Variants in REXO5 observed in about 807,000 individuals in gnomAD.
REXO5 encodes the protein exonuclease NEF-sp.
In REXO5, 48 loss-of-function variants were observed where a neutral mutation model predicts 88.5. The ratio of observed to expected loss-of-function variants is 0.54; its 90% CI spans 0.43 to 0.69. The LOEUF (loss-of-function observed/expected upper bound fraction) is 0.69. Among genes scored for constraint, REXO5 ranks in the 30% least tolerant of loss-of-function variants. The pLI is 0.00. For synonymous variants in REXO5, 311 were observed against 336.5 expected (o/e 0.92, Z 0.83); for missense variants, 749 against 912.2 (o/e 0.82, Z 2.30).
intron 2 of REXO5, among the ~76,000 whole-genome samples, chr16:20,807,788 T>C (rs1367470770): frequency 1.3e-5 from 2 of 149,596 alleles, no homozygotes; most frequent in African/African-American, 4.9e-5. Context: ...CTGTACATAA[T>C]AGGAATGTTC....
chr16:20,826,003 A>C (rs2081255398), intron 8 of REXO5, 55 bp downstream of exon 8: 1 of 1,105,596 alleles, frequency 9.0e-7, no homozygotes, highest in Admixed American at 2.1e-5. Flanking sequence ...AGAATGGAAT[A>C]ATACTTAAGA....
chr16:20,817,033 T>C (rs1356647249), intron 5 of REXO5, among the ~76,000 whole-genome samples: 1 of 152,222 alleles, frequency 6.6e-6, no homozygotes, highest in Non-Finnish European at 1.5e-5. Context: ...AGGTGAGTGA[T>C]AGAGTAGTAT....
In REXO5 at chr16:20,846,323, C is replaced by G. The variant is rs139485821; in HGVS notation, c.2227C>G (p.Leu743Val). Residue 743 changes from leucine to valine, a missense_variant, in exon 19 of 20, where the codon CTG becomes GTG. By Grantham distance (32) the Leu-to-Val change is conservative. Transcript: ENST00000261377. ...LCPGTLCLIL[L>V]PGTKSTHGSL... ...CCCGGGCACTCTCTGCCTCATCCTGCTGCCAGGAACCAAGAGGTAAGGACT... is the reference window on the plus strand; with the variant it reads ...CCCGGGCACTCTCTGCCTCATCCTGGTGCCAGGAACCAAGAGGTAAGGACT... 2 of 1,613,392 alleles carry G rather than the reference C, an allele frequency of 1.2e-6. No homozygotes were observed. The highest frequency in any genetic ancestry group is 2.7e-5 in the African/African-American group (2 of 74,912).
At chr16:20,812,264 G>A (rs2081010992) in intron 2 of REXO5, among the ~76,000 whole-genome samples, 2 of 152,170 alleles carry the variant, frequency 1.3e-5, no homozygotes, top group South Asian at 4.1e-4. Context: ...GCTCATGCTT[G>A]TAATCCCAGC....
intron 11 of REXO5, 147 bp downstream of exon 11, chr16:20,828,684 T>C (rs2081294278): frequency 1.7e-6 from 1 of 586,662 alleles, no homozygotes; most frequent in Non-Finnish European, 3.1e-6. Context: ...ATCCCAGCAC[T>C]TTGGGAGGCC....
chr16:20,827,242 T>C (rs1410910844), intron 9 of REXO5, 46 bp downstream of exon 9: 1 of 1,610,256 alleles, frequency 6.2e-7, no homozygotes, highest in Non-Finnish European at 8.5e-7. Flanking sequence ...TAAATGCCTG[T>C]TCCATTTATC....
In REXO5 at chr16:20,808,426, A is replaced by C. The variant is rs2152498586; in HGVS notation, c.138+1335A>C. 1.3e-5 allele frequency among the ~76,000 whole-genome samples: 2 copies of C among 152,206 alleles called. 1 individual carries two copies. The highest frequency in any genetic ancestry group is 6.8e-3 in the Middle Eastern group (2 of 294). On this transcript the variant is annotated intron_variant, in intron 2 of 19. Transcript: ENST00000261377. ...GGATCCTCCTGTCTCTGCCTCTTACAGGCATGAGCCACTGCACCCAGCTAT... is the reference window on the plus strand; with the variant it reads ...GGATCCTCCTGTCTCTGCCTCTTACCGGCATGAGCCACTGCACCCAGCTAT...
intron 12 of REXO5, 113 bp from the exon 13 acceptor site, chr16:20,832,890 T>A: frequency 1.1e-6 from 1 of 908,770 alleles, no homozygotes; most frequent in African/African-American, 1.6e-5. Flanking sequence ...ATTTTAATTT[T>A]AATAGCTATA....
chr16:20,849,387 T>C lies in REXO5; in HGVS notation c.2244-12T>C, dbSNP rs758085764. 2 of 1,610,184 alleles carry C rather than the reference T, an allele frequency of 1.2e-6. No homozygotes were observed. Among genetic ancestry groups the C allele is most frequent in the African/African-American group, 2.7e-5 (2 of 74,840 alleles). ...TGGATAAAAACATACCTTTGTTTCT[T>C]ATTTATTGCAGCACTCATGGTTCAC... On this transcript the variant is annotated splice_polypyrimidine_tract_variant and intron_variant, in intron 19 of 19. Coordinates refer to ENST00000261377, the MANE Select transcript of REXO5 (RefSeq NM_030941.3).
intron 15 of REXO5, among the ~76,000 whole-genome samples, chr16:20,842,734 C>T (rs1269759556): frequency 6.6e-6 from 1 of 152,092 alleles, no homozygotes; most frequent in Non-Finnish European, 1.5e-5. Context: ...GGATTACAGG[C>T]GTGAGCCACT....
At chr16:20,816,026 A>G (rs2152501292) in intron 4 of REXO5, 90 bp from the exon 5 acceptor site, 1 of 977,394 alleles carries the variant, frequency 1.0e-6, no homozygotes, top group South Asian at 1.5e-5. Flanking sequence ...AGAACTTTCA[A>G]AGCACTGAGG....
At chr16:20,824,678 T>C (rs1418024974) in intron 7 of REXO5, 151 bp downstream of exon 7, 2 of 631,644 alleles carry the variant, frequency 3.2e-6, no homozygotes, top group Non-Finnish European at 5.6e-6. Flanking sequence ...ACTCACACTT[T>C]AGAAAACTTA....
intron 3 of REXO5, 39 bp from the exon 4 acceptor site, chr16:20,814,888 G>A (rs1322534224): frequency 5.7e-6 from 9 of 1,580,664 alleles, no homozygotes; most frequent in South Asian, 1.2e-5. Context: ...CTGACTTAAG[G>A]CCATCTGTCT....
At position 20,827,259 on chromosome 16, in the gene REXO5, C is replaced by G. The variant is rs1038040543; in HGVS notation, c.960+63C>G. 9 of 1,608,228 alleles carry G rather than the reference C, an allele frequency of 5.6e-6. No homozygotes were observed. In the African/African-American group the frequency reaches 9.4e-5, roughly 17 times the overall value. ...AATGCCTGTTCCATTTATCTCAAAT[C>G]TAAAGTCTTGGGCTCTTCTCTCCCA... On this transcript the variant is annotated intron_variant, in intron 9 of 19. Transcript: ENST00000261377.
At chr16:20,844,090 GC>G (rs1313585599) in intron 16 of REXO5, 64 bp downstream of exon 16, 2 of 957,268 alleles carry the variant, frequency 2.1e-6, no homozygotes, top group Non-Finnish European at 3.3e-6. Flanking sequence ...TATTTATAGT[GC>G]CCCAGGACAT....
At chr16:20,843,536 C>T (rs182334611) in intron 15 of REXO5, among the ~76,000 whole-genome samples, 10 of 152,192 alleles carry the variant, frequency 6.6e-5, no homozygotes, top group Admixed American at 2.0e-4. Context: ...TTAGTTACTC[C>T]GAGTTAACAA....
intron 13 of REXO5, among the ~76,000 whole-genome samples, chr16:20,834,121 T>C (rs938673675): frequency 6.6e-6 from 1 of 152,196 alleles, no homozygotes; most frequent in East Asian, 1.9e-4. Flanking sequence ...TTTAGGTTTG[T>C]GTGGTGTTTG....
At chr16:20,839,709 A>C in intron 13 of REXO5, 46 bp from the exon 14 acceptor site, 6 of 1,280,644 alleles carry the variant, frequency 4.7e-6, no homozygotes, top group African/African-American at 1.5e-5. Flanking sequence ...GAGCCACAAT[A>C]GAGTATGAGG....
At chr16:20,814,123 A>G (rs1290425047) in intron 3 of REXO5, among the ~76,000 whole-genome samples, 2 of 134,054 alleles carry the variant, frequency 1.5e-5, no homozygotes, top group South Asian at 2.3e-4. Context: ...TTATGTCTCT[A>G]TTGCAACTAC....
Sources: gnomAD v4.1 joint callset for allele counts (sites outside exome capture counted in the v4.1 genomes callset) on GRCh38, gnomAD v4.1.1 for gene constraint, MANE v1.5 for transcripts, NCBI Gene and HGNC (gene_info 2026-07-23, HGNC 2026-07-21) for gene names.